Variants in ASIC2 observed in about 807,000 individuals in gnomAD.
ASIC2 encodes the protein acid-sensing ion channel 2.
A neutral mutation model predicts 57.3 loss-of-function variants in ASIC2; 25 were observed. The ratio of observed to expected loss-of-function variants is 0.44; its 90% CI spans 0.32 to 0.61. The LOEUF is 0.61. Among genes scored for constraint, ASIC2 ranks in the 20% least tolerant of loss-of-function variants. The pLI, the probability that ASIC2 is intolerant of heterozygous loss-of-function variation, is 0.06. For missense variants in ASIC2, 641 were observed against 738.1 expected, an observed-to-expected ratio of 0.87 and a Z score of 1.52; for synonymous variants, 319 against 307.5, an observed-to-expected ratio of 1.04 and a Z score of -0.39.
chr17:33,014,544 G>A (rs1319845668), intron 9 of ASIC2, among the ~76,000 whole-genome samples: 1 of 152,018 alleles, frequency 6.6e-6, no homozygotes, highest in Non-Finnish European at 1.5e-5. Context: ...GCTGCCCCAA[G>A]GACTTTTAGG....
chr17:33,936,364 G>A (rs887908638), intron 1 of ASIC2: 2 of 152,178 alleles, frequency 1.3e-5, no homozygotes, highest in African/African-American at 4.8e-5. Flanking sequence ...TGGACTGCAC[G>A]TGGTCTCAGA....
intron 1 of ASIC2, among the ~76,000 whole-genome samples, chr17:33,832,816 A>G (rs546118085): frequency 6.6e-6 from 1 of 152,348 alleles, no homozygotes; most frequent in East Asian, 1.9e-4. Flanking sequence ...ATGCCAGATA[A>G]TGCAGGTTTC....
At chr17:33,615,689 C>CA (rs373739303) in intron 1 of ASIC2, among the ~76,000 whole-genome samples, 6 of 152,132 alleles carry the variant, frequency 3.9e-5, no homozygotes, top group African/African-American at 1.4e-4. Flanking sequence ...ATCAACCCAT[C>CA]ACCTAGATAG....
chr17:34,096,321 G>A lies in ASIC2; in HGVS notation c.555+59657C>T, dbSNP rs374407128. Among the ~76,000 whole-genome samples the A allele has an allele frequency of 1.4e-3, 213 of 152,276 alleles. 1 individual carries two copies. Among genetic ancestry groups the A allele is most frequent in the African/African-American group, 5.0e-3 (208 of 41,556 alleles). On this transcript the variant is annotated intron_variant, in intron 1 of 9. Transcript: ENST00000359872. ...GACATCAGGTATAGCATGAGTTAAAGGTTATAAGGTGAGAGTTCAGGATCC... is the reference window on the plus strand; with the variant it reads ...GACATCAGGTATAGCATGAGTTAAAAGTTATAAGGTGAGAGTTCAGGATCC...
intron 1 of ASIC2, among the ~76,000 whole-genome samples, chr17:34,103,306 T>A (rs889845459): frequency 3.3e-5 from 5 of 152,048 alleles, no homozygotes; most frequent in African/African-American, 9.7e-5. Flanking sequence ...CCACAATGCC[T>A]GGCCAATTTT....
chr17:34,082,429 A>G (rs1333480144), intron 1 of ASIC2, among the ~76,000 whole-genome samples: 4 of 152,188 alleles, frequency 2.6e-5, no homozygotes, highest in Admixed American at 6.5e-5. Context: ...TTAGTAAAAT[A>G]AAAGTTACAA....
chr17:33,972,826 G>A (rs757123465), intron 1 of ASIC2, among the ~76,000 whole-genome samples: 15 of 152,210 alleles, frequency 9.9e-5, no homozygotes, highest in Non-Finnish European at 1.5e-4. Flanking sequence ...GGGCCCCGTC[G>A]CAGACAATGA....
At position 34,027,438 on chromosome 17, in the gene ASIC2, T is replaced by G. The variant is rs534739228; in HGVS notation, c.555+128540A>C. ...GTGTTAAGGAGGGATGCTGCCCCCC[T>G]ATAACCATTTAGTTGCCACCTCTTT... is the stretch of plus-strand genomic sequence containing the variant. On this transcript the variant is annotated intron_variant, in intron 1 of 9. Transcript: ENST00000359872. Among the ~76,000 whole-genome samples the G allele has an allele frequency of 2.6e-5, 4 of 152,264 alleles. No individual in the cohort carries two copies. The South Asian group carries it at 8.3e-4, about 32-fold the overall frequency.
At chr17:33,437,534 G>A (rs1480946193) in intron 1 of ASIC2, among the ~76,000 whole-genome samples, 1 of 152,114 alleles carries the variant, frequency 6.6e-6, no homozygotes, top group Non-Finnish European at 1.5e-5. Flanking sequence ...AGGTGTGGTG[G>A]CTCATGCCGG....
At position 33,058,504 on chromosome 17, in the gene ASIC2, C is replaced by T. The variant is rs569485136; in HGVS notation, c.988-30112G>A. 4.6e-4 allele frequency among the ~76,000 whole-genome samples: 61 copies of T among 131,946 alleles called. 5 individuals carry two copies. In the East Asian group the frequency reaches 0.013, roughly 29 times the overall value. The allele number at this position is 131,946 out of a possible 152,430, so 86.6% of individuals were successfully genotyped here. A position where few individuals can be genotyped will look rare whatever the true frequency, so the allele number is the denominator to read the frequency against. ...AAAAAAAAAAAAACAAAACCCAAAA[C>T]AACAACAAAAAACACCAAACATCTT... On this transcript the variant is annotated intron_variant, in intron 3 of 9. Coordinates refer to ENST00000225823, the MANE Select transcript of ASIC2 (RefSeq NM_183377.2).
chr17:33,950,154 T>C (rs932255003), intron 1 of ASIC2, among the ~76,000 whole-genome samples: 19 of 152,218 alleles, frequency 1.2e-4, no homozygotes, highest in Admixed American at 1.3e-4. Flanking sequence ...TTCAGGGTCA[T>C]TGTCTCTAAT....
chr17:33,998,884 G>T (rs950552094), intron 1 of ASIC2, among the ~76,000 whole-genome samples: 2 of 151,960 alleles, frequency 1.3e-5, no homozygotes, highest in East Asian at 1.9e-4. Flanking sequence ...AGGTCCATTT[G>T]GTCTATAGTG....
chr17:33,729,326 C>A (rs911780060), intron 1 of ASIC2, among the ~76,000 whole-genome samples: 1 of 152,110 alleles, frequency 6.6e-6, no homozygotes, highest in Admixed American at 6.5e-5. Context: ...AGAACTCATT[C>A]ATTACCTCTA....
At chr17:33,674,858 G>C (rs1218983399) in intron 1 of ASIC2, among the ~76,000 whole-genome samples, 3 of 152,168 alleles carry the variant, frequency 2.0e-5, no homozygotes, top group Admixed American at 1.3e-4. Context: ...TGCATTTGTG[G>C]TCTGAGCCCA....
At chr17:33,631,156 G>A (rs1906155232) in intron 1 of ASIC2, among the ~76,000 whole-genome samples, 1 of 152,168 alleles carries the variant, frequency 6.6e-6, no homozygotes, top group Non-Finnish European at 1.5e-5. Context: ...CCTGAAGCCA[G>A]GCAACGTACA....
intron 1 of ASIC2, among the ~76,000 whole-genome samples, chr17:33,730,350 G>A (rs1431312738): frequency 6.6e-6 from 1 of 152,286 alleles, no homozygotes; most frequent in East Asian, 1.9e-4. Context: ...ATGACAGTGA[G>A]GTCTCACTAA....
chr17:33,906,125 C>T (rs1376776656), intron 1 of ASIC2, among the ~76,000 whole-genome samples: 2 of 151,762 alleles, frequency 1.3e-5, no homozygotes, highest in South Asian at 2.1e-4. Flanking sequence ...CGCACCTGGC[C>T]TTGATGTTCT....
At chr17:33,128,243 T>C (rs975413450) in intron 1 of ASIC2, among the ~76,000 whole-genome samples, 1 of 152,190 alleles carries the variant, frequency 6.6e-6, no homozygotes, top group Admixed American at 6.5e-5. Context: ...CACTCCTACT[T>C]GAACTTCAAA....
intron 3 of ASIC2, among the ~76,000 whole-genome samples, chr17:33,045,556 C>A (rs1000491808): frequency 6.6e-6 from 1 of 152,152 alleles, no homozygotes; most frequent in East Asian, 1.9e-4. Flanking sequence ...TGGCCAGGCA[C>A]TTTACCTCTC....
Sources: allele counts gnomAD v4.1 joint callset (sites outside exome capture counted in the v4.1 genomes callset), GRCh38; gene constraint gnomAD v4.1.1; transcripts MANE v1.5; gene names NCBI Gene and HGNC (gene_info 2026-07-23, HGNC 2026-07-21).